GYPB: variants seen among roughly 807,000 people sequenced by gnomAD.
The protein encoded by GYPB is glycophorin B (MNS blood group).
In GYPB, 13 loss-of-function variants were observed where a neutral mutation model predicts 15.3. The ratio of observed to expected loss-of-function variants is 0.85; its 90% CI spans 0.55 to 1.35. The LOEUF is 1.35. GYPB is among the 40% of genes most tolerant of loss of function. The pLI, the probability that GYPB is intolerant of heterozygous loss-of-function variation, is 0.00. For synonymous variants in GYPB, 38 were observed against 36.9 expected, an observed-to-expected ratio of 1.03 and a Z score of -0.11; for missense variants, 131 against 108.3, an observed-to-expected ratio of 1.21 and a Z score of -0.93.
rs2149953392 is a variant in GYPB at position 143,996,148 on chromosome 4, CA to C, written c.*150del. 2 of 1,492,688 alleles carry C rather than the reference CA, an allele frequency of 1.3e-6. No homozygotes were observed. The highest frequency in any genetic ancestry group is 5.0e-5 in the East Asian group (2 of 40,202). The allele number at this position is 1,492,688 out of a possible 1,614,324, so 92.5% of individuals were successfully genotyped here. The stretch of plus-strand genomic sequence containing the variant: ...TATTTTTATTTAGAAGTAGAGAATA[CA>C]GTAATAGTGAGGCAGGAGAACAGGG... On this transcript the variant is annotated 3_prime_UTR_variant, in exon 5 of 5. Transcript: ENST00000502664.
At chr4:143,996,331 A>T (rs1443192101) in intron 4 of GYPB, 27 bp from the exon 5 acceptor site, 2 of 1,550,142 alleles carry the variant, frequency 1.3e-6, no homozygotes, top group African/African-American at 2.8e-5. Context: ...AGAAGTTTCC[A>T]CTTCAGCCTC....
chr4:144,012,867 A>C (rs957905144), intron 1 of GYPB: 5 of 52,724 alleles, frequency 9.5e-5, no homozygotes, highest in African/African-American at 2.9e-4. Flanking sequence ...AAGAAAACAT[A>C]GGGAGAAATT....
intron 2 of GYPB, among the ~76,000 whole-genome samples, chr4:144,000,762 G>C (rs1308097307): frequency 6.6e-6 from 1 of 151,050 alleles, no homozygotes; most frequent in Non-Finnish European, 1.5e-5. Context: ...GATAAGTACT[G>C]TGTTATTGGC....
chr4:144,010,110 G>A (rs1728140640), intron 1 of GYPB, among the ~76,000 whole-genome samples: 1 of 151,056 alleles, frequency 6.6e-6, no homozygotes, highest in South Asian at 2.1e-4. Flanking sequence ...AGTCAGGATG[G>A]CGCATTCCTC....
chr4:144,002,920 C>T (rs1038845375), intron 1 of GYPB, among the ~76,000 whole-genome samples: 4 of 151,150 alleles, frequency 2.6e-5, no homozygotes, highest in African/African-American at 9.9e-5. Context: ...CACCTGATTC[C>T]ATCATGTGTT....
At position 144,001,159 on chromosome 4, in the gene GYPB, A is replaced by G. The variant is rs145066875; in HGVS notation, c.136+26T>C. Reference sequence around the variant, plus strand: ...TCACAAAAATCATTTCGGAGCCACAATTTAAAAATAAAAATGAAAACAAAC... The same window carrying G: ...TCACAAAAATCATTTCGGAGCCACAGTTTAAAAATAAAAATGAAAACAAAC... On this transcript the variant is annotated intron_variant, in intron 2 of 4. Coordinates refer to ENST00000502664, the MANE Select transcript of GYPB (RefSeq NM_002100.6). The G allele has an allele frequency of 1.7e-4, 274 of 1,612,576 alleles. 9 individuals carry two copies. In the African/African-American group the frequency reaches 3.3e-3, roughly 19 times the overall value.
chr4:143,995,300 T>C (rs983500220), downstream of GYPB, among the ~76,000 whole-genome samples: 7 of 151,554 alleles, frequency 4.6e-5, no homozygotes, highest in African/African-American at 9.8e-5. Context: ...AATGCGGATG[T>C]TGAACATAGC....
In GYPB at chr4:144,017,383, G is replaced by A. The variant is rs1728555366; in HGVS notation, c.37+1868C>T. Among the ~76,000 whole-genome samples the A allele has an allele frequency of 3.3e-5, 5 of 150,248 alleles. No individual in the cohort carries two copies. In the South Asian group the frequency reaches 8.3e-4, roughly 25 times the overall value. ...AAAAAAAAGAAAAAGACTTCACCAT[G>A]TTTAGTCTTCGGCTAATCAGTATGG... On this transcript the variant is annotated intron_variant, in intron 1 of 4. Coordinates refer to ENST00000502664, the MANE Select transcript of GYPB (RefSeq NM_002100.6).
intron 1 of GYPB, among the ~76,000 whole-genome samples, chr4:144,010,030 A>G (rs1398277293): frequency 6.6e-6 from 1 of 151,390 alleles, no homozygotes; most frequent in Non-Finnish European, 1.5e-5. Context: ...GTATTAGCAT[A>G]ACTAGAATGT....
intron 3 of GYPB, among the ~76,000 whole-genome samples, chr4:143,999,053 G>A (rs985916652): frequency 6.6e-6 from 1 of 150,968 alleles, no homozygotes; most frequent in African/African-American, 2.5e-5. Context: ...TGAGACTACA[G>A]GTGCATGCCC....
chr4:144,006,349 A>G (rs71618902), intron 1 of GYPB, among the ~76,000 whole-genome samples: 77 of 152,016 alleles, frequency 5.1e-4, no homozygotes, highest in African/African-American at 1.3e-3. Context: ...GGGAGAGAGC[A>G]TGGACTTCTG....
intron 1 of GYPB, among the ~76,000 whole-genome samples, chr4:144,004,244 G>T (rs552790935): frequency 3.9e-4 from 57 of 144,870 alleles, no homozygotes; most frequent in Middle Eastern, 3.8e-3. Flanking sequence ...GATAAAAATT[G>T]TTTTTTATAT....
chr4:144,010,174 A>G (rs1325861873), intron 1 of GYPB, among the ~76,000 whole-genome samples: 1 of 151,272 alleles, frequency 6.6e-6, no homozygotes, highest in Admixed American at 6.6e-5. Flanking sequence ...CTAAAAAATT[A>G]AGTTGTAGTC....
At chr4:144,000,166 T>TA (rs1316244359) in intron 2 of GYPB, 1 of 163,222 alleles carries the variant, frequency 6.1e-6, no homozygotes, top group African/African-American at 2.4e-5. Context: ...TCAGGTATAT[T>TA]TTTTCATTCT....
chr4:144,008,169 G>T (rs1201767386), intron 1 of GYPB, among the ~76,000 whole-genome samples: 1 of 151,502 alleles, frequency 6.6e-6, no homozygotes, highest in Non-Finnish European at 1.5e-5. Context: ...AGTTCACACA[G>T]CCGCCAAGTG....
intron 1 of GYPB, among the ~76,000 whole-genome samples, chr4:144,018,223 A>T (rs2149972700): frequency 6.6e-6 from 1 of 151,574 alleles, no homozygotes; most frequent in East Asian, 1.9e-4. Flanking sequence ...ACGAGGACAC[A>T]TAAAAATGTG....
intron 1 of GYPB, among the ~76,000 whole-genome samples, chr4:144,006,907 A>G (rs1322882886): frequency 1.3e-5 from 2 of 151,282 alleles, no homozygotes; most frequent in African/African-American, 2.5e-5. Flanking sequence ...GCTCAATCTC[A>G]TTGTCTTGGA....
In GYPB at chr4:143,996,203, A is replaced by C. The variant is rs1190059690; in HGVS notation, c.*96T>G. 1.0e-5 allele frequency: 16 copies of C among 1,548,310 alleles called. No homozygotes were observed. The highest frequency in any genetic ancestry group is 2.0e-5 in the Admixed American group (1 of 50,920). On this transcript the variant is annotated 3_prime_UTR_variant, in exon 5 of 5. Transcript: ENST00000502664. Reference sequence around the variant, plus strand: ...TAGGATAGCCAGGGGTAGGGGCATAAGCAAAGGAATAGCAGGTGCAGCCAG... The same window carrying C: ...TAGGATAGCCAGGGGTAGGGGCATACGCAAAGGAATAGCAGGTGCAGCCAG...
downstream of GYPB, chr4:143,996,074 A>C: frequency 7.9e-7 from 1 of 1,265,148 alleles, no homozygotes; most frequent in Admixed American, 2.9e-5. Context: ...ACATAGCTTG[A>C]AATAACAAAT....
Sources: gnomAD v4.1 joint callset for allele counts (sites outside exome capture counted in the v4.1 genomes callset) on GRCh38, gnomAD v4.1.1 for gene constraint, MANE v1.5 for transcripts, NCBI Gene and HGNC (gene_info 2026-07-23, HGNC 2026-07-21) for gene names.